The following PIP5K1C variants were observed in gnomAD, a reference collection of about 807,000 sequenced individuals.
PIP5K1C encodes phosphatidylinositol-4-phosphate 5-kinase type 1 gamma, also known as phosphatidylinositol 4-phosphate 5-kinase type-1 gamma.
A neutral mutation model predicts 80.1 loss-of-function variants in PIP5K1C; 45 were observed. That is an observed-to-expected ratio of 0.56 (90% CI 0.44 to 0.72). PIP5K1C has a LOEUF of 0.72. Ranked by LOEUF, PIP5K1C falls within the 30% of genes least tolerant of loss-of-function variation. The probability of loss-of-function intolerance (pLI) is 0.00; values close to 1 mark genes in which losing one functional copy is unlikely to be tolerated. For synonymous variants in PIP5K1C, 498 were observed against 420.1 expected (o/e 1.19, Z -2.27); for missense variants, 753 against 954.6 (o/e 0.79, Z 2.78).
chr19:3,695,899 A>T (rs1281341774), intron 1 of PIP5K1C, among the ~76,000 whole-genome samples: 1 of 150,950 alleles, frequency 6.6e-6, no homozygotes, highest in African/African-American at 2.4e-5. Context: ...ACTTCTTTTA[A>T]TTTTTTTTTA....
chr19:3,687,983 C>T (rs984251822), intron 1 of PIP5K1C, among the ~76,000 whole-genome samples: 4 of 152,210 alleles, frequency 2.6e-5, no homozygotes, highest in Non-Finnish European at 5.9e-5. Context: ...ACCAAGCTCC[C>T]GGGCGGGCCG....
At chr19:3,633,207 G>A (rs372015676) in intron 17 of PIP5K1C, 38 bp from the exon 18 acceptor site, 16 of 754,350 alleles carry the variant, frequency 2.1e-5, no homozygotes, top group Non-Finnish European at 3.0e-5. Flanking sequence ...TGGGCGGGGC[G>A]AGGGCCCACC....
intron 2 of PIP5K1C, among the ~76,000 whole-genome samples, chr19:3,666,420 G>T (rs2035010164): frequency 6.6e-6 from 1 of 152,250 alleles, no homozygotes; most frequent in Non-Finnish European, 1.5e-5. Flanking sequence ...CTCTCGGGAG[G>T]AGACGGGCAG....
At chr19:3,665,123 A>C (rs1282771287) in intron 2 of PIP5K1C, among the ~76,000 whole-genome samples, 1 of 152,164 alleles carries the variant, frequency 6.6e-6, no homozygotes, top group Non-Finnish European at 1.5e-5. Context: ...TCAGTGTCCC[A>C]CACTGGACAC....
chr19:3,686,113 G>A (rs1340500288), intron 1 of PIP5K1C, among the ~76,000 whole-genome samples: 1 of 152,052 alleles, frequency 6.6e-6, no homozygotes, highest in Non-Finnish European at 1.5e-5. Flanking sequence ...CTGGCCTCCC[G>A]AAGCACTGGG....
intron 1 of PIP5K1C, among the ~76,000 whole-genome samples, chr19:3,684,889 C>G (rs2035706070): frequency 6.6e-6 from 1 of 152,318 alleles, no homozygotes; most frequent in African/African-American, 2.4e-5. Flanking sequence ...AGACACGTCA[C>G]TCAGCAGTCA....
chr19:3,640,036 G>A (rs1262464910), intron 15 of PIP5K1C, among the ~76,000 whole-genome samples: 2 of 152,216 alleles, frequency 1.3e-5, no homozygotes, highest in African/African-American at 4.8e-5. Flanking sequence ...ACAGTGGCAG[G>A]AGCACTGGGT....
rs1447422736 is a variant in PIP5K1C at position 3,637,101 on chromosome 19, A to T, written c.1920+1783T>A. 15 of 1,298,428 alleles carry T rather than the reference A, an allele frequency of 1.2e-5. No individual in the cohort carries two copies. The highest frequency in any genetic ancestry group is 3.7e-5 in the Admixed American group (1 of 26,876). 80.4% of individuals were successfully genotyped at this position (1,298,428 alleles called of 1,614,324 possible). A position where few individuals can be genotyped will look rare whatever the true frequency, so the allele number is the denominator to read the frequency against. ...CCTGCGGTTCAGAGCCCGGCCCTGC[A>T]GCCACTCTGCTGACCTGTGCAACCT... is the stretch of plus-strand genomic sequence containing the variant. On this transcript the variant is annotated intron_variant, in intron 16 of 17. Transcript: ENST00000335312. This position sits in a 1 kb window ranked among gnomAD's most constrained non-coding sequence, Gnocchi z 7.0.
chr19:3,663,325 CGGGAGTT>C (rs952531375), intron 3 of PIP5K1C, among the ~76,000 whole-genome samples: 3 of 152,180 alleles, frequency 2.0e-5, no homozygotes, highest in Non-Finnish European at 2.9e-5. Context: ...GGAGGGAGGT[CGGGAGTT>C]GGGAGTTGGT....
chr19:3,676,979 G>C (rs1229840986), intron 1 of PIP5K1C, among the ~76,000 whole-genome samples: 1 of 152,104 alleles, frequency 6.6e-6, no homozygotes, highest in Non-Finnish European at 1.5e-5. Flanking sequence ...GTGCACACCT[G>C]TATTTCTAGC....
At chr19:3,667,290 C>T (rs1395574727) in intron 2 of PIP5K1C, 32 bp downstream of exon 2, 2 of 1,604,486 alleles carry the variant, frequency 1.2e-6, no homozygotes, top group East Asian at 2.2e-5. Flanking sequence ...AGGGTGGGGA[C>T]CCCAGGCCCT....
At chr19:3,644,900 C>G (rs1384124982) in intron 11 of PIP5K1C, among the ~76,000 whole-genome samples, 2 of 152,242 alleles carry the variant, frequency 1.3e-5, no homozygotes, top group Non-Finnish European at 2.9e-5. Flanking sequence ...ACAGTAGGTG[C>G]TCAGTTTGCC....
chr19:3,635,938 CCACT>C (rs1290600140), intron 16 of PIP5K1C, among the ~76,000 whole-genome samples: 7 of 152,166 alleles, frequency 4.6e-5, no homozygotes, highest in Non-Finnish European at 1.0e-4. Flanking sequence ...CGAGATTGTG[CCACT>C]GCACTCCAGC....
chr19:3,661,142 C>A, intron 4 of PIP5K1C, 59 bp from the exon 5 acceptor site: 2 of 1,148,226 alleles, frequency 1.7e-6, no homozygotes, highest in South Asian at 1.2e-5. Flanking sequence ...TCCCCCACCC[C>A]CGCCATGGTC....
chr19:3,636,728 G>C (rs758197883), intron 16 of PIP5K1C: 1 of 986,594 alleles, frequency 1.0e-6, no homozygotes, highest in Admixed American at 6.1e-5. Flanking sequence ...AGAGGTGCTC[G>C]GAGAGGTTTG....
chr19:3,634,241 G>A (rs2033581441), intron 16 of PIP5K1C, among the ~76,000 whole-genome samples: 1 of 152,050 alleles, frequency 6.6e-6, no homozygotes, highest in Non-Finnish European at 1.5e-5. Context: ...ATCTGGGGAG[G>A]GAGGGAGGGT....
rs531566502 is a variant in PIP5K1C, at chr19:3,648,407, G to A, written c.1211+218C>T. Reference sequence around the variant, plus strand: ...AGCAAGAGCTTTCCAGGTTGAGGAAGCCCCGAGAGCTGCTGGTGCGGCTGT... The same window carrying A: ...AGCAAGAGCTTTCCAGGTTGAGGAAACCCCGAGAGCTGCTGGTGCGGCTGT... On this transcript the variant is annotated intron_variant, in intron 9 of 17. Coordinates refer to ENST00000335312, the MANE Select transcript of PIP5K1C (RefSeq NM_012398.3). The surrounding 1 kb of genome is among the most constrained non-coding windows in gnomAD (Gnocchi z 4.3). Among the ~76,000 whole-genome samples, 2 of 152,344 alleles carry A rather than the reference G, an allele frequency of 1.3e-5. No individual in the cohort carries two copies. Among genetic ancestry groups the A allele is most frequent in the South Asian group, 4.1e-4 (2 of 4,830 alleles).
intron 14 of PIP5K1C, 94 bp from the exon 15 acceptor site, chr19:3,641,903 A>AG: frequency 9.9e-7 from 1 of 1,005,594 alleles, no homozygotes. Flanking sequence ...CCAGTCCCAG[A>AG]GGGGAGTTGG....
chr19:3,676,406 G>A lies in PIP5K1C; in HGVS notation c.95-9053C>T, dbSNP rs765355431. On this transcript the variant is annotated intron_variant, in intron 1 of 17. Coordinates refer to ENST00000335312, the MANE Select transcript of PIP5K1C (RefSeq NM_012398.3). ...GCCCGGGCTTGGTTCTGAGCCCTGC[G>A]GTGTTTGGGTTCGGTCAACTCTAGA... Among the ~76,000 whole-genome samples the A allele has an allele frequency of 3.3e-5, 5 of 152,242 alleles. No homozygotes were observed. The East Asian group carries it at 5.8e-4, about 18-fold the overall frequency.
Sources: gnomAD v4.1 joint callset for allele counts (sites outside exome capture counted in the v4.1 genomes callset) on GRCh38, gnomAD v4.1.1 for gene constraint, Gnocchi (gnomAD v3.1) non-coding constraint, MANE v1.5 for transcripts, NCBI Gene and HGNC (gene_info 2026-07-23, HGNC 2026-07-21) for gene names.